GPR6: variants seen among roughly 807,000 people sequenced by gnomAD.
GPR6 encodes G protein-coupled receptor 6.
GPR6 carries 14 observed loss-of-function variants against 18.5 expected under a neutral mutation model. That is an observed-to-expected ratio of 0.76 (90% CI 0.50 to 1.18). The LOEUF is 1.18. Among genes scored for constraint, GPR6 ranks in the 50% most tolerant of loss-of-function variants. The pLI is 0.00. For synonymous variants in GPR6, 299 were observed against 240.9 expected (o/e 1.24, Z -2.23); for missense variants, 477 against 495.9 (o/e 0.96, Z 0.36).
In GPR6 at chr6:109,980,263, C is replaced by T. The variant is rs1771060356; in HGVS notation, c.*62C>T. 3 of 1,599,342 alleles carry T rather than the reference C, an allele frequency of 1.9e-6. No homozygotes were observed. The highest frequency in any genetic ancestry group is 2.6e-6 in the Non-Finnish European group (3 of 1,173,918). On this transcript the variant is annotated 3_prime_UTR_variant, in exon 2 of 2. Transcript: ENST00000275169. ...CCAACAAGCCAGCCTTTGGTAAGCT[C>T]GGTGCCTGCTGACGAACTCTGAGAT...
rs765386622 is a variant in GPR6 at position 109,980,115 on chromosome 6, G to A, written c.1003G>A (p.Glu335Lys). The A allele has an allele frequency of 3.7e-6, 6 of 1,614,220 alleles. No homozygotes were observed. In the Admixed American group the frequency reaches 1.0e-4, roughly 27 times the overall value. Reference protein sequence around the residue: ...NPIIYAFRNQEIQRALWLLLC... With the variant: ...NPIIYAFRNQKIQRALWLLLC... Reference sequence around the variant, plus strand: ...CATCATCTATGCCTTCCGCAACCAGGAGATCCAGCGCGCCCTGTGGCTCCT... The same window carrying A: ...CATCATCTATGCCTTCCGCAACCAGAAGATCCAGCGCGCCCTGTGGCTCCT... The change falls in exon 2 of 2, where the codon GAG becomes AAG. Residue 335 changes from glutamate (E) to lysine (K), a missense_variant. Coordinates refer to ENST00000275169, the MANE Select transcript of GPR6 (RefSeq NM_005284.5).
Position 109,979,754 on chromosome 6 carries a change from C to G in GPR6, c.642C>G (p.Ala214=). The G allele has an allele frequency of 6.2e-7, 1 of 1,600,250 alleles. No homozygotes were observed. Among genetic ancestry groups the G allele is most frequent in the East Asian group, 2.2e-5 (1 of 44,596 alleles). Reference sequence around the variant, plus strand: ...GCTGGAACTGCCTGGCAGAGCGCGCCGCCTGCAGCGTGGTGCGCCCGCTGG... The same window carrying G: ...GCTGGAACTGCCTGGCAGAGCGCGCGGCCTGCAGCGTGGTGCGCCCGCTGG... ...VLGWNCLAER[A]ACSVVRPLAR... is the part of the protein sequence containing the mutation. Residue 214 remains alanine, a synonymous_variant, in exon 2 of 2, where the codon GCC becomes GCG. Coordinates refer to ENST00000275169, the MANE Select transcript of GPR6 (RefSeq NM_005284.5).
In GPR6 at chr6:109,980,012, G is replaced by C. The variant is rs758847635; in HGVS notation, c.900G>C (p.Val300=). The part of the protein sequence containing the change: ...ASWLPFAIYC[V]VGSHEDPAVY... ...GGCTGCCCTTCGCCATCTATTGCGT[G>C]GTGGGCAGCCATGAGGACCCGGCGG... is the stretch of plus-strand genomic sequence containing the variant. Residue 300 remains valine, a synonymous_variant, in exon 2 of 2, where the codon GTG becomes GTC. Coordinates refer to ENST00000275169, the MANE Select transcript of GPR6 (RefSeq NM_005284.5). 6.2e-7 allele frequency: 1 copy of C among 1,613,510 alleles called. No individual in the cohort carries two copies. The highest frequency in any genetic ancestry group is 2.2e-5 in the East Asian group (1 of 44,880).
intron 1 of GPR6, chr6:109,978,742 C>G (rs1031100759): frequency 1.3e-6 from 2 of 1,535,406 alleles, no homozygotes; most frequent in Admixed American, 2.0e-5. Flanking sequence ...ATGTCCTGGT[C>G]GCGCCGCCAC....
Position 109,979,279 on chromosome 6 carries a change from T to G in GPR6, c.167T>G (p.Leu56Arg), listed in dbSNP as rs1771023097. Residue 56 changes from leucine to arginine, a missense_variant, in exon 2 of 2, where the codon CTG becomes CGG. Leu to Arg is a moderately radical substitution (Grantham distance 102, BLOSUM62 -2). Transcript: ENST00000275169. ...GGCGGAGCTAATGGGTCTCTGGAGC[T>G]GTCCTCGCAGCTGTCGGCTGGGCCA... The part of the protein sequence containing the change: ...AGGGANGSLE[L>R]SSQLSAGPPG... 4.3e-6 allele frequency: 7 copies of G among 1,613,008 alleles called. No individual in the cohort carries two copies. Among genetic ancestry groups the G allele is most frequent in the Non-Finnish European group, 5.9e-6 (7 of 1,179,778 alleles).
At chr6:109,978,845 T>G in intron 1 of GPR6, 1 of 1,535,670 alleles carries the variant, frequency 6.5e-7, no homozygotes, top group Non-Finnish European at 8.7e-7. Flanking sequence ...TTGATCCTTG[T>G]GCATGTGAGT....
chr6:109,979,851 C>G lies in GPR6; in HGVS notation c.739C>G (p.Arg247Gly). ...CGGCATCATGCTGCACCTGTACGTG[C>G]GCATCTGCCAGGTGGTCTGGCGCCA... is the stretch of plus-strand genomic sequence containing the variant. ...VFGIMLHLYVRICQVVWRHAH... is the reference protein window; with the variant it reads ...VFGIMLHLYVGICQVVWRHAH... Residue 247 changes from arginine (R) to glycine (G), a missense_variant, in exon 2 of 2, where the codon CGC becomes GGC. By Grantham distance (125) the Arg-to-Gly change is moderately radical. Transcript: ENST00000275169. The G allele has an allele frequency of 6.2e-7, 1 of 1,608,402 alleles. No homozygotes were observed. The highest frequency in any genetic ancestry group is 1.1e-5 in the South Asian group (1 of 91,020).
At position 109,980,581 on chromosome 6, in the gene GPR6, A is replaced by C; in HGVS notation, c.*380A>C. Reference sequence around the variant, plus strand: ...TTATTTTTAGCTGCTGAACTGCCAAAACAGTGTTGCCATTTTCAAGGGCAG... The same window carrying C: ...TTATTTTTAGCTGCTGAACTGCCAACACAGTGTTGCCATTTTCAAGGGCAG... On this transcript the variant is annotated 3_prime_UTR_variant, in exon 2 of 2. Coordinates refer to ENST00000275169, the MANE Select transcript of GPR6 (RefSeq NM_005284.5). 4.6e-6 allele frequency: 1 copy of C among 216,694 alleles called. No individual in the cohort carries two copies. The highest frequency in any genetic ancestry group is 9.8e-6 in the Non-Finnish European group (1 of 102,084). The allele number at this position is 216,694 out of a possible 1,614,324, so 13.4% of individuals were successfully genotyped here.
chr6:109,978,840 C>A, intron 1 of GPR6: 1 of 1,535,798 alleles, frequency 6.5e-7, no homozygotes, highest in Non-Finnish European at 8.7e-7. Context: ...GAGAATTGAT[C>A]CTTGTGCATG....
chr6:109,978,979 T>C, intron 1 of GPR6, 116 bp from the exon 2 acceptor site: 1 of 1,534,478 alleles, frequency 6.5e-7, no homozygotes, highest in Non-Finnish European at 8.8e-7. Context: ...TGCTCTGGGG[T>C]CCCAGGGTGG....
rs1456538213 is a variant in GPR6, at chr6:109,979,171, G to A, written c.59G>A (p.Gly20Glu). Residue 20 changes from glycine to glutamate, a missense_variant, in exon 2 of 2, where the codon GGA (glycine) becomes GAA (glutamate). Transcript: ENST00000275169. ...DSQVVVVAAE[G>E]AAAAATAAGG... Reference sequence around the variant, plus strand: ...CAGGTGGTGGTAGTGGCGGCCGAAGGAGCGGCGGCGGCGGCCACAGCAGCA... The same window carrying A: ...CAGGTGGTGGTAGTGGCGGCCGAAGAAGCGGCGGCGGCGGCCACAGCAGCA... 6.3e-7 allele frequency: 1 copy of A among 1,596,294 alleles called. No individual in the cohort carries two copies. Among genetic ancestry groups the A allele is most frequent in the Non-Finnish European group, 8.5e-7 (1 of 1,177,082 alleles).
At position 109,979,091 on chromosome 6, in the gene GPR6, G is replaced by A; in HGVS notation, c.-18-4G>A. 1 of 1,564,912 alleles carries A rather than the reference G, an allele frequency of 6.4e-7. No homozygotes were observed. The highest frequency in any genetic ancestry group is 8.6e-7 in the Non-Finnish European group (1 of 1,166,246). ...CCTGACGCCTGCACTCCCTCCCTAT[G>A]CAGGGTGCAAATCCGGCCGCGATGA... On this transcript the variant is annotated splice_region_variant and splice_polypyrimidine_tract_variant and intron_variant, in intron 1 of 1. Coordinates refer to ENST00000275169, the MANE Select transcript of GPR6 (RefSeq NM_005284.5).
Position 109,980,473 on chromosome 6 carries a change from A to T in GPR6, c.*272A>T. On this transcript the variant is annotated 3_prime_UTR_variant, in exon 2 of 2. Transcript: ENST00000275169. ...GGAGCTTCCTATTCTGTGAAAAACC[A>T]AGAAAAAGATATGGTTGTATACTCA... 2.1e-6 allele frequency: 1 copy of T among 484,376 alleles called. No homozygotes were observed. Among genetic ancestry groups the T allele is most frequent in the Non-Finnish European group, 3.7e-6 (1 of 269,030 alleles). 30.0% of individuals were successfully genotyped at this position (484,376 alleles called of 1,614,324 possible). A position where few individuals can be genotyped will look rare whatever the true frequency, so the allele number is the denominator to read the frequency against.
rs1157010406 is a variant in GPR6 at position 109,979,131 on chromosome 6, T to G, written c.19T>G (p.Ser7Ala). 1 of 1,589,910 alleles carries G rather than the reference T, an allele frequency of 6.3e-7. No homozygotes were observed. The highest frequency in any genetic ancestry group is 8.5e-7 in the Non-Finnish European group (1 of 1,175,288). MNASAA[S>A]LNDSQVVVVA... ...GGCCGCGATGAACGCGAGCGCCGCCTCGCTCAACGACTCCCAGGTGGTGGT... is the reference window on the plus strand; with the variant it reads ...GGCCGCGATGAACGCGAGCGCCGCCGCGCTCAACGACTCCCAGGTGGTGGT... The change falls in exon 2 of 2, where the codon TCG (serine) becomes GCG (alanine). Residue 7 changes from serine to alanine, a missense_variant. Coordinates refer to ENST00000275169, the MANE Select transcript of GPR6 (RefSeq NM_005284.5).
In GPR6 at chr6:109,980,182, G is replaced by A. The variant is rs1398523175; in HGVS notation, c.1070G>A (p.Arg357Lys). The stretch of plus-strand genomic sequence containing the variant: ...CAGTCCAAAGTGCCCTTTCGTTCCA[G>A]GTCTCCCAGCGAGGTCTGAAGGGCT... ...CFQSKVPFRS[R>K]SPSEV Residue 357 changes from arginine (R) to lysine (K), a missense_variant, in exon 2 of 2, where the codon AGG (arginine) becomes AAG (lysine). Transcript: ENST00000275169. 1.2e-6 allele frequency: 2 copies of A among 1,614,210 alleles called. No individual in the cohort carries two copies. The highest frequency in any genetic ancestry group is 2.2e-5 in the East Asian group (1 of 44,874).
chr6:109,978,547 A>C, intron 1 of GPR6, 80 bp downstream of exon 1: 1 of 566,632 alleles, frequency 1.8e-6, no homozygotes, highest in East Asian at 2.8e-5. Context: ...AGGTCTTTCC[A>C]GAAGAGGAGA....
intron 1 of GPR6, 80 bp downstream of exon 1, chr6:109,978,547 A>G: frequency 1.8e-6 from 1 of 566,632 alleles, no homozygotes. Flanking sequence ...AGGTCTTTCC[A>G]GAAGAGGAGA....
At position 109,978,479 on chromosome 6, in the gene GPR6, A is replaced by T. The variant is rs1321716886; in HGVS notation, c.-19+12A>T. The T allele has an allele frequency of 2.6e-6, 1 of 392,022 alleles. No homozygotes were observed. The highest frequency in any genetic ancestry group is 2.0e-5 in the African/African-American group (1 of 49,558). The allele number at this position is 392,022 out of a possible 1,614,324, so 24.3% of individuals were successfully genotyped here. A position where few individuals can be genotyped will look rare whatever the true frequency, so the allele number is the denominator to read the frequency against. On this transcript the variant is annotated intron_variant, in intron 1 of 1. Transcript: ENST00000275169. The stretch of plus-strand genomic sequence containing the variant: ...TCCTGACGCCCCAGGTGAGTGGCCG[A>T]GTTCCCAGGGAACTTTGAGGATGTG...
In GPR6 at chr6:109,979,546, T is replaced by C; in HGVS notation, c.434T>C (p.Val145Ala). ...VPSETVSLLTVGFLVASFAAS... is the reference protein window; with the variant it reads ...VPSETVSLLTAGFLVASFAAS... The stretch of plus-strand genomic sequence containing the variant: ...TCGGAGACTGTGAGTCTGCTCACGG[T>C]GGGCTTCCTCGTGGCCTCCTTCGCC... Residue 145 changes from valine (V) to alanine (A), a missense_variant, in exon 2 of 2, where the codon GTG becomes GCG. Transcript: ENST00000275169. 2 of 1,613,022 alleles carry C rather than the reference T, an allele frequency of 1.2e-6. No homozygotes were observed. The highest frequency in any genetic ancestry group is 1.7e-6 in the Non-Finnish European group (2 of 1,180,002).
Sources: gnomAD v4.1 joint callset for allele counts on GRCh38, gnomAD v4.1.1 for gene constraint, MANE v1.5 for transcripts, NCBI Gene and HGNC (gene_info 2026-07-23, HGNC 2026-07-21) for gene names.